Variants in HS6ST2 observed in about 807,000 individuals in gnomAD.
The protein encoded by HS6ST2 is heparan-sulfate 6-O-sulfotransferase 2.
A neutral mutation model predicts 33.0 loss-of-function variants in HS6ST2; 17 were observed. The ratio of observed to expected loss-of-function variants is 0.52; its 90% CI spans 0.35 to 0.77. The LOEUF (loss-of-function observed/expected upper bound fraction) is 0.77. Ranked by LOEUF, HS6ST2 falls within the 30% of genes least tolerant of loss-of-function variation. HS6ST2 has a pLI of 0.01. For synonymous variants in HS6ST2, 248 were observed against 237.1 expected (o/e 1.05, Z -0.42); for missense variants, 519 against 551.7 (o/e 0.94, Z 0.59).
intron 2 of HS6ST2, among the ~76,000 whole-genome samples, chrX:132,841,673 T>C (rs760570933): frequency 8.9e-6 from 1 of 112,075 alleles, no homozygotes; most frequent in East Asian, 2.8e-4. Context: ...TCAGTTGAAC[T>C]TGATACCCAA....
chrX:132,711,545 C>T (rs2064231137), intron 2 of HS6ST2, among the ~76,000 whole-genome samples: 1 of 111,448 alleles, frequency 9.0e-6, no homozygotes, highest in African/African-American at 3.3e-5. Context: ...AAAATTCCCC[C>T]AGTTCCAATA....
intron 2 of HS6ST2, among the ~76,000 whole-genome samples, chrX:132,830,878 G>C (rs1476606046): frequency 9.0e-6 from 1 of 111,616 alleles, no homozygotes; most frequent in East Asian, 2.8e-4. Context: ...GGAATTCCCA[G>C]TGCCTTTTAC....
chrX:132,850,776 T>C (rs2065794822), intron 2 of HS6ST2, among the ~76,000 whole-genome samples: 1 of 110,736 alleles, frequency 9.0e-6, no homozygotes, highest in Non-Finnish European at 1.9e-5. Flanking sequence ...CACTGATGTA[T>C]TCTCATCAAT....
intron 2 of HS6ST2, among the ~76,000 whole-genome samples, chrX:132,775,989 T>C: frequency 8.9e-6 from 1 of 111,873 alleles, no homozygotes. Flanking sequence ...ATGCTGATTA[T>C]GTGGAGTTCT....
At chrX:132,801,422 C>T (rs1433737650) in intron 2 of HS6ST2, among the ~76,000 whole-genome samples, 1 of 111,901 alleles carries the variant, frequency 8.9e-6, no homozygotes, top group Non-Finnish European at 1.9e-5. Flanking sequence ...AGTTTTACTG[C>T]CTTGAAAATT....
chrX:132,687,174 C>T (rs1381196692), intron 3 of HS6ST2, among the ~76,000 whole-genome samples: 2 of 111,509 alleles, frequency 1.8e-5, no homozygotes, highest in African/African-American at 6.5e-5. Context: ...GCCTGTATGT[C>T]TTCTGTCCAC....
intron 2 of HS6ST2, among the ~76,000 whole-genome samples, chrX:132,715,958 G>T (rs976805221): frequency 2.7e-5 from 3 of 112,277 alleles, no homozygotes; most frequent in African/African-American, 9.7e-5. Context: ...TACCTGGATC[G>T]TGTATTGCCA....
chrX:132,932,307 C>A (rs763610380), intron 2 of HS6ST2, among the ~76,000 whole-genome samples: 23 of 111,246 alleles, frequency 2.1e-4, no homozygotes, highest in Non-Finnish European at 3.8e-4. Context: ...TGGAGTCCAA[C>A]AGATAGACAT....
chrX:132,944,156 C>A (rs2066917324), intron 2 of HS6ST2, among the ~76,000 whole-genome samples: 1 of 111,977 alleles, frequency 8.9e-6, no homozygotes, highest in African/African-American at 3.2e-5. Flanking sequence ...GCAACTTCAG[C>A]AAAGTCTCAG....
At chrX:132,747,984 G>T (rs1158542620) in intron 2 of HS6ST2, among the ~76,000 whole-genome samples, 5 of 111,465 alleles carry the variant, frequency 4.5e-5, no homozygotes, top group Admixed American at 1.9e-4. Flanking sequence ...TTTTTTAAAA[G>T]GTTGACATTT....
intron 2 of HS6ST2, among the ~76,000 whole-genome samples, chrX:132,727,823 C>T (rs953067643): frequency 8.1e-5 from 9 of 111,251 alleles, no homozygotes; most frequent in African/African-American, 2.9e-4. Context: ...TCCTGGCAAT[C>T]ATCTGTTTTC....
At position 132,787,167 on chromosome X, in the gene HS6ST2, GTATA is replaced by G. The variant is rs751338482; in HGVS notation, c.948-78677_948-78674del. On this transcript the variant is annotated intron_variant, in intron 2 of 4. Transcript: ENST00000370833. ...AAAGTGTGTGTGTGTATATATATATGTATATATATATATATATATACATATATAT... is the reference window on the plus strand; with the variant it reads ...AAAGTGTGTGTGTGTATATATATATGTATATATATATATATACATATATAT... Among the ~76,000 whole-genome samples the G allele has an allele frequency of 1.6e-4, 8 of 51,359 alleles. No individual in the cohort carries two copies. In the East Asian group the frequency reaches 2.8e-3, roughly 18 times the overall value. 44.6% of individuals were successfully genotyped at this position (51,359 alleles called of 115,157 possible). A position where few individuals can be genotyped will look rare whatever the true frequency, so the allele number is the denominator to read the frequency against.
At chrX:132,655,572 A>G (rs570018289) in intron 4 of HS6ST2, among the ~76,000 whole-genome samples, 1 of 111,025 alleles carries the variant, frequency 9.0e-6, no homozygotes, top group Non-Finnish European at 1.9e-5. Context: ...GCTCTTTTCA[A>G]TGAACTAGTG....
chrX:132,772,729 C>A (rs2064913413), intron 2 of HS6ST2, among the ~76,000 whole-genome samples: 2 of 90,081 alleles, frequency 2.2e-5, no homozygotes, highest in African/African-American at 8.3e-5. Flanking sequence ...AAATATAGAA[C>A]TACATTATTA....
At chrX:132,864,195 C>G (rs1198149843) in intron 2 of HS6ST2, among the ~76,000 whole-genome samples, 1 of 109,950 alleles carries the variant, frequency 9.1e-6, no homozygotes, top group Non-Finnish European at 1.9e-5. Context: ...GCCTCTTCAC[C>G]TCCAAAGGAT....
intron 2 of HS6ST2, among the ~76,000 whole-genome samples, chrX:132,902,303 A>G (rs1276820231): frequency 3.6e-5 from 4 of 110,924 alleles, no homozygotes; most frequent in African/African-American, 1.3e-4. Flanking sequence ...GGGTTTCACC[A>G]TGTTGCCCAG....
At chrX:132,728,676 T>C in intron 2 of HS6ST2, among the ~76,000 whole-genome samples, 1 of 112,147 alleles carries the variant, frequency 8.9e-6, no homozygotes, top group Non-Finnish European at 1.9e-5. Context: ...AAATCAATAA[T>C]GACTCTGGCA....
chrX:132,777,598 AT>A (rs34555257), intron 2 of HS6ST2, among the ~76,000 whole-genome samples: 32,237 of 79,944 alleles, frequency 0.4, 6,011 homozygotes, highest in Admixed American at 0.56. Context: ...CACCCGGCTA[AT>A]TTTTTTTTTT....
At chrX:132,908,260 T>A (rs1255694970) in intron 2 of HS6ST2, among the ~76,000 whole-genome samples, 1 of 112,161 alleles carries the variant, frequency 8.9e-6, no homozygotes, top group African/African-American at 3.2e-5. Flanking sequence ...AGACAGATTA[T>A]AACAAGTGTT....
Sources: allele counts gnomAD v4.1 joint callset (sites outside exome capture counted in the v4.1 genomes callset), GRCh38; gene constraint gnomAD v4.1.1; transcripts MANE v1.5; gene names NCBI Gene and HGNC (gene_info 2026-07-23, HGNC 2026-07-21).